NCKAP5: variants seen among roughly 807,000 people sequenced by gnomAD.
NCKAP5 encodes the protein nck-associated protein 5.
Under a neutral mutation model 167.0 loss-of-function variants are expected in NCKAP5, and 92 were observed. The observed-to-expected ratio is 0.55, with a 90% confidence interval of 0.47 to 0.66. NCKAP5 has a LOEUF of 0.66. Ranked by LOEUF, NCKAP5 falls within the 30% of genes least tolerant of loss-of-function variation. The pLI, the probability that NCKAP5 is intolerant of heterozygous loss-of-function variation, is 0.00. For missense variants in NCKAP5, 2,378 were observed against 2,315.0 expected (o/e 1.03, Z -0.56); for synonymous variants, 891 against 877.4 (o/e 1.02, Z -0.27).
At chr2:133,614,471 A>C in the NCKAP5 span, among the ~76,000 whole-genome samples, 1 of 152,148 alleles carries the variant, frequency 6.6e-6, no homozygotes, top group Non-Finnish European at 1.5e-5. Flanking sequence ...GATGGAGCTG[A>C]AAACCAAGGC....
intron 11 of NCKAP5, among the ~76,000 whole-genome samples, chr2:132,819,612 G>C (rs1449286741): frequency 2.6e-5 from 4 of 152,044 alleles, no homozygotes; most frequent in Non-Finnish European, 4.4e-5. Context: ...AGGGAGCACG[G>C]ATGAGGATGA....
intron 4 of NCKAP5, among the ~76,000 whole-genome samples, chr2:133,241,580 A>T (rs890926435): frequency 6.6e-6 from 1 of 152,160 alleles, no homozygotes; most frequent in African/African-American, 2.4e-5. Flanking sequence ...GTAAGATATG[A>T]CTGTCTATGG....
chr2:133,530,083 A>G (rs1046450868), intron 2 of NCKAP5, among the ~76,000 whole-genome samples: 11 of 152,222 alleles, frequency 7.2e-5, no homozygotes, highest in Non-Finnish European at 1.3e-4. Flanking sequence ...TTTTTATGGT[A>G]CCATCTGAAG....
At chr2:133,104,707 C>G (rs191361925) in intron 6 of NCKAP5, among the ~76,000 whole-genome samples, 1 of 152,308 alleles carries the variant, frequency 6.6e-6, no homozygotes, top group East Asian at 1.9e-4. Context: ...TATCCTTATT[C>G]ATCCACACAT....
At chr2:132,698,146 T>C (rs1414073295) in intron 19 of NCKAP5, among the ~76,000 whole-genome samples, 1 of 152,198 alleles carries the variant, frequency 6.6e-6, no homozygotes, top group African/African-American at 2.4e-5. Context: ...CTTCCAACCA[T>C]AATTCAGTAG....
At chr2:132,961,100 C>A (rs1040798859) in intron 8 of NCKAP5, among the ~76,000 whole-genome samples, 2 of 151,984 alleles carry the variant, frequency 1.3e-5, no homozygotes, top group Admixed American at 1.3e-4. Flanking sequence ...TCCAGGGGAG[C>A]ATTTCATTAA....
intron 8 of NCKAP5, among the ~76,000 whole-genome samples, chr2:132,902,933 C>T (rs1693738631): frequency 1.3e-5 from 2 of 152,152 alleles, no homozygotes; most frequent in South Asian, 4.1e-4. Context: ...TGCAGAGTAA[C>T]TGATAGGAGA....
the NCKAP5 span, among the ~76,000 whole-genome samples, chr2:133,669,474 T>G: frequency 6.6e-6 from 1 of 152,162 alleles, no homozygotes; most frequent in Middle Eastern, 3.2e-3. Flanking sequence ...TATATTGTTG[T>G]CAGGTAAAAT....
At chr2:133,619,744 G>T in the NCKAP5 span, among the ~76,000 whole-genome samples, 2 of 152,024 alleles carry the variant, frequency 1.3e-5, no homozygotes, top group African/African-American at 4.8e-5. Context: ...AATACAAGAA[G>T]ATCAAAGAAC....
chr2:133,094,677 A>C (rs2081291705), intron 6 of NCKAP5, among the ~76,000 whole-genome samples: 1 of 152,198 alleles, frequency 6.6e-6, no homozygotes, highest in Admixed American at 6.5e-5. Flanking sequence ...AGACAAAAGG[A>C]ATTTTGCAAA....
intron 8 of NCKAP5, among the ~76,000 whole-genome samples, chr2:132,937,964 T>A (rs548550676): frequency 1.3e-5 from 2 of 152,246 alleles, no homozygotes; most frequent in African/African-American, 4.8e-5. Flanking sequence ...GACCCTCTGA[T>A]ACATTACATG....
At chr2:132,883,430 G>A (rs1691950061) in intron 8 of NCKAP5, among the ~76,000 whole-genome samples, 1 of 152,052 alleles carries the variant, frequency 6.6e-6, no homozygotes, top group South Asian at 2.1e-4. Flanking sequence ...ATGGCTGGTT[G>A]GTCTTATGTT....
intron 3 of NCKAP5, among the ~76,000 whole-genome samples, chr2:133,401,171 A>G (rs998489591): frequency 6.6e-6 from 1 of 152,144 alleles, no homozygotes; most frequent in African/African-American, 2.4e-5. Flanking sequence ...TCCTAAACGA[A>G]AACAGGGTTT....
intron 13 of NCKAP5, among the ~76,000 whole-genome samples, chr2:132,788,700 C>T (rs1683799849): frequency 6.6e-6 from 1 of 152,180 alleles, no homozygotes; most frequent in African/African-American, 2.4e-5. Context: ...GCATTTCATG[C>T]AGGCTTCCTT....
chr2:133,004,357 T>A (rs2077887813), intron 6 of NCKAP5, among the ~76,000 whole-genome samples: 1 of 152,158 alleles, frequency 6.6e-6, no homozygotes, highest in Admixed American at 6.5e-5. Context: ...TATTTCAATG[T>A]AGGTTCTTTT....
chr2:133,548,998 GAC>G (rs1274309738), intron 2 of NCKAP5, among the ~76,000 whole-genome samples: 3 of 137,462 alleles, frequency 2.2e-5, no homozygotes, highest in East Asian at 2.3e-4. Flanking sequence ...CACATGCAGA[GAC>G]ACACATAGGC....
intron 8 of NCKAP5, among the ~76,000 whole-genome samples, chr2:132,918,584 G>A (rs533715972): frequency 1.3e-4 from 20 of 152,124 alleles, no homozygotes; most frequent in African/African-American, 4.8e-4. Flanking sequence ...TAATGATGAT[G>A]ACATTACAAC....
the NCKAP5 span, among the ~76,000 whole-genome samples, chr2:133,599,039 G>T: frequency 1.3e-5 from 2 of 152,136 alleles, no homozygotes; most frequent in East Asian, 3.9e-4. Context: ...CCCACTCTTT[G>T]TAAGGACTGT....
At chr2:132,921,706 AC>A (rs1448504380) in intron 8 of NCKAP5, among the ~76,000 whole-genome samples, 6 of 152,162 alleles carry the variant, frequency 3.9e-5, no homozygotes, top group Non-Finnish European at 1.5e-5. Context: ...AACATCAATT[AC>A]CTATCTTTGG....
Sources: allele counts gnomAD v4.1 joint callset (sites outside exome capture counted in the v4.1 genomes callset), GRCh38; gene constraint gnomAD v4.1.1; transcripts MANE v1.5; gene names NCBI Gene and HGNC (gene_info 2026-07-23, HGNC 2026-07-21).